ANKRD50: variants seen among roughly 807,000 people sequenced by gnomAD.
The protein encoded by ANKRD50 is ankyrin repeat domain 50.
ANKRD50 carries 40 observed loss-of-function variants against 112.0 expected under a neutral mutation model. The observed-to-expected ratio is 0.36, with a 90% CI of 0.28 to 0.46. ANKRD50 has a LOEUF of 0.46. ANKRD50 is among the 20% of genes least tolerant of loss of function. The pLI, the probability that ANKRD50 is intolerant of heterozygous loss-of-function variation, is 1.00. For synonymous variants in ANKRD50, 613 were observed against 619.1 expected, an observed-to-expected ratio of 0.99 and a Z score of 0.15; for missense variants, 1,487 against 1,701.7, an observed-to-expected ratio of 0.87 and a Z score of 2.22.
Position 124,710,614 on chromosome 4 carries a change from G to A in ANKRD50, c.-103C>T. ...ATATTAAGTTGACTCTGAAGACAGA[G>A]TAACTAGTTACAGTAAAATTCAACA... On this transcript the variant is annotated 5_prime_UTR_variant, in exon 2 of 5. Transcript: ENST00000504087. 1 of 1,345,798 alleles carries A rather than the reference G, an allele frequency of 7.4e-7. No individual in the cohort carries two copies. Among genetic ancestry groups the A allele is most frequent in the Non-Finnish European group, 1.0e-6 (1 of 990,642 alleles). The allele number at this position is 1,345,798 out of a possible 1,614,324, so 83.4% of individuals were successfully genotyped here. A position where few individuals can be genotyped will look rare whatever the true frequency, so the allele number is the denominator to read the frequency against.
In ANKRD50 at chr4:124,670,543, C is replaced by T. The variant is rs1730618338; in HGVS notation, c.2734G>A (p.Asp912Asn). Residue 912 changes from aspartate to asparagine, a missense_variant, in exon 4 of 5, where the codon GAT becomes AAT. Physicochemically the swap from Asp to Asn is conservative, Grantham distance 23 (BLOSUM62 1). Coordinates refer to ENST00000504087, the MANE Select transcript of ANKRD50 (RefSeq NM_020337.3). ...NKSNIDQRGYDGRNALRVAAL... is the reference protein window; with the variant it reads ...NKSNIDQRGYNGRNALRVAAL... Reference sequence around the variant, plus strand: ...GCAACCCGCAGTGCATTTCTTCCATCATAACCTCTTTGATCAATGTTGGAT... The same window carrying T: ...GCAACCCGCAGTGCATTTCTTCCATTATAACCTCTTTGATCAATGTTGGAT... The T allele has an allele frequency of 6.2e-7, 1 of 1,613,360 alleles. No homozygotes were observed. Among genetic ancestry groups the T allele is most frequent in the South Asian group, 1.1e-5 (1 of 90,924 alleles).
intron 2 of ANKRD50, among the ~76,000 whole-genome samples, chr4:124,694,244 C>G (rs1725201956): frequency 6.6e-6 from 1 of 151,982 alleles, no homozygotes; most frequent in African/African-American, 2.4e-5. Context: ...GGAGTTTGGC[C>G]CAAATGTAGA....
chr4:124,664,904 A>C lies in ANKRD50; in HGVS notation c.*2614T>G, dbSNP rs2110503159. On this transcript the variant is annotated 3_prime_UTR_variant, in exon 5 of 5. Transcript: ENST00000504087. Reference sequence around the variant, plus strand: ...GAAACATTCAGATTTTTATTTCATTACTGTATTTTTATCACTTTCCTTATT... The same window carrying C: ...GAAACATTCAGATTTTTATTTCATTCCTGTATTTTTATCACTTTCCTTATT... 1 of 151,992 alleles carries C rather than the reference A, an allele frequency of 6.6e-6. No individual in the cohort carries two copies. The highest frequency in any genetic ancestry group is 1.9e-4 in the East Asian group (1 of 5,162). The allele number at this position is 151,992 out of a possible 1,614,324, so 9.4% of individuals were successfully genotyped here. A position where few individuals can be genotyped will look rare whatever the true frequency, so the allele number is the denominator to read the frequency against.
chr4:124,695,437 T>C (rs560001055), intron 2 of ANKRD50, among the ~76,000 whole-genome samples: 2 of 152,278 alleles, frequency 1.3e-5, no homozygotes, highest in East Asian at 3.9e-4. Flanking sequence ...GTCAGTTATA[T>C]TCCTCTAAGC....
Position 124,672,407 on chromosome 4 carries a change from C to G in ANKRD50, c.870G>C (p.Glu290Asp), listed in dbSNP as rs1304493017. The G allele has an allele frequency of 3.1e-6, 5 of 1,613,298 alleles. No individual in the cohort carries two copies. Among genetic ancestry groups the G allele is most frequent in the Non-Finnish European group, 4.2e-6 (5 of 1,179,718 alleles). Residue 290 changes from glutamate (E) to aspartate (D), a missense_variant, in exon 4 of 5, where the codon GAG becomes GAC. This residue lies in a region of ANKRD50 where 1,046 missense variants were observed against 1,269.5 expected (regional missense o/e 0.82). Transcript: ENST00000504087. ...TTTTAATGTGCAGTTGATTTAACAT[C>G]TCTGCAGTTTCTTTTGTGAGGTGTT... is the stretch of plus-strand genomic sequence containing the variant. ...LRQHLTKETA[E>D]MLNQLHIKSS...
At chr4:124,692,102 T>C (rs530018163) in intron 2 of ANKRD50, among the ~76,000 whole-genome samples, 2 of 152,344 alleles carry the variant, frequency 1.3e-5, no homozygotes, top group Admixed American at 1.3e-4. Context: ...GACACATAAA[T>C]GAATTTCATG....
chr4:124,683,763 A>G (rs917908806), intron 2 of ANKRD50, among the ~76,000 whole-genome samples: 3 of 151,674 alleles, frequency 2.0e-5, no homozygotes, highest in Admixed American at 2.0e-4. Flanking sequence ...TCTCAAAAAA[A>G]AAAAAAAAAA....
At chr4:124,699,928 C>T (rs1362350247) in intron 2 of ANKRD50, among the ~76,000 whole-genome samples, 2 of 151,668 alleles carry the variant, frequency 1.3e-5, no homozygotes, top group African/African-American at 2.4e-5. Flanking sequence ...TATTATAAGC[C>T]CTGGATACAA....
At chr4:124,673,143 T>C (rs909113376) in intron 3 of ANKRD50, among the ~76,000 whole-genome samples, 5 of 152,120 alleles carry the variant, frequency 3.3e-5, no homozygotes, top group Admixed American at 6.6e-5. Context: ...GGCTAAATTA[T>C]GGTCAAAAAA....
At chr4:124,699,147 G>A (rs1174152293) in intron 2 of ANKRD50, among the ~76,000 whole-genome samples, 2 of 152,116 alleles carry the variant, frequency 1.3e-5, no homozygotes, top group East Asian at 3.9e-4. Flanking sequence ...TCTATGGAGT[G>A]TGTGTGAGTA....
intron 3 of ANKRD50, among the ~76,000 whole-genome samples, chr4:124,673,976 A>C (rs1730716909): frequency 6.6e-6 from 1 of 152,036 alleles, no homozygotes; most frequent in Admixed American, 6.6e-5. Flanking sequence ...ATTGTGAAAA[A>C]GTCACTGCTC....
chr4:124,703,630 T>G (rs1725442361), intron 2 of ANKRD50, among the ~76,000 whole-genome samples: 1 of 150,572 alleles, frequency 6.6e-6, no homozygotes, highest in African/African-American at 2.4e-5. Context: ...GATTACTGCC[T>G]CAAAGGAATG....
In ANKRD50 at chr4:124,678,805, G is replaced by T; in HGVS notation, c.613C>A (p.Gln205Lys). 1.2e-6 allele frequency: 2 copies of T among 1,613,838 alleles called. No homozygotes were observed. The highest frequency in any genetic ancestry group is 1.7e-6 in the Non-Finnish European group (2 of 1,179,824). The change falls in exon 3 of 5, where the codon CAA (glutamine) becomes AAA (lysine). Residue 205 changes from glutamine to lysine, a missense_variant. Physicochemically the swap from Gln to Lys is moderately conservative, Grantham distance 53. Transcript: ENST00000504087. Reference sequence around the variant, plus strand: ...GTCCCAGATAAGCTGGTAGACGTTTGTTCACCTTCAGTAATGTTACACCCT... The same window carrying T: ...GTCCCAGATAAGCTGGTAGACGTTTTTTCACCTTCAGTAATGTTACACCCT... Reference protein sequence around the residue: ...DEGCNITEGEQTSTSLSGTVA... With the variant: ...DEGCNITEGEKTSTSLSGTVA...
At chr4:124,709,005 C>T (rs2110530701) in intron 2 of ANKRD50, among the ~76,000 whole-genome samples, 1 of 150,704 alleles carries the variant, frequency 6.6e-6, no homozygotes, top group Middle Eastern at 3.5e-3. Flanking sequence ...AAACAAACAT[C>T]ACTCTTTTTA....
intron 2 of ANKRD50, among the ~76,000 whole-genome samples, chr4:124,687,360 C>A (rs1319147749): frequency 2.6e-5 from 4 of 151,954 alleles, no homozygotes; most frequent in African/African-American, 9.7e-5. Flanking sequence ...CAATACATAT[C>A]TCTCACCCCG....
chr4:124,704,754 A>C (rs1030455046), intron 2 of ANKRD50, among the ~76,000 whole-genome samples: 4 of 152,238 alleles, frequency 2.6e-5, no homozygotes, highest in Non-Finnish European at 5.9e-5. Flanking sequence ...AACGTTATGA[A>C]GAAGCATATG....
chr4:124,670,057 C>T lies in ANKRD50; in HGVS notation c.3220G>A (p.Ala1074Thr), dbSNP rs1242881590. 1.9e-6 allele frequency: 3 copies of T among 1,612,664 alleles called. No individual in the cohort carries two copies. The highest frequency in any genetic ancestry group is 2.5e-6 in the Non-Finnish European group (3 of 1,179,592). Residue 1074 changes from alanine to threonine, a missense_variant, in exon 4 of 5, where the codon GCT becomes ACT. Ala to Thr is a moderately conservative substitution (Grantham distance 58, BLOSUM62 0). Transcript: ENST00000504087. ...ATAGCAGTGCGTCCAAATTGATCAG[C>T]ATGGTTTGGATCAGCACCATGCTCT... is the stretch of plus-strand genomic sequence containing the variant. ...LLEHGADPNH[A>T]DQFGRTAMRV...
chr4:124,705,117 C>G (rs1207695092), intron 2 of ANKRD50, among the ~76,000 whole-genome samples: 1 of 151,720 alleles, frequency 6.6e-6, no homozygotes, highest in African/African-American at 2.4e-5. Context: ...AACAAACAAA[C>G]AAAAAAACTG....
chr4:124,674,889 ATATC>A (rs1730737301), intron 3 of ANKRD50, among the ~76,000 whole-genome samples: 3 of 151,864 alleles, frequency 2.0e-5, no homozygotes, highest in African/African-American at 7.2e-5. Context: ...AGAACTAAGA[ATATC>A]TATTAATCAA....
Sources: allele counts gnomAD v4.1 joint callset (sites outside exome capture counted in the v4.1 genomes callset), GRCh38; gene constraint gnomAD v4.1.1; regional missense constraint gnomAD v4.1.1; transcripts MANE v1.5; gene names NCBI Gene and HGNC (gene_info 2026-07-23, HGNC 2026-07-21).